Variants in SRMS observed in about 807,000 individuals in gnomAD.
The protein encoded by SRMS is tyrosine-protein kinase Srms.
In SRMS, 42 loss-of-function variants were observed where a neutral mutation model predicts 43.5. That is an observed-to-expected ratio of 0.97 (90% CI 0.75 to 1.25). The LOEUF is 1.25. SRMS is among the 50% of genes most tolerant of loss of function. The probability of loss-of-function intolerance (pLI) is 0.00; values close to 1 mark genes in which losing one functional copy is unlikely to be tolerated. For missense variants in SRMS, 703 were observed against 681.0 expected, an observed-to-expected ratio of 1.03 and a Z score of -0.36; for synonymous variants, 316 against 308.2, an observed-to-expected ratio of 1.03 and a Z score of -0.27.
intron 2 of SRMS, among the ~76,000 whole-genome samples, chr20:63,543,971 A>G (rs2082717580): frequency 7.9e-6 from 1 of 127,384 alleles, no homozygotes; most frequent in South Asian, 3.7e-4. Context: ...GAATGGATGA[A>G]TGAATGAATG....
chr20:63,544,633 C>G (rs1227506847), intron 1 of SRMS, among the ~76,000 whole-genome samples: 1 of 152,110 alleles, frequency 6.6e-6, no homozygotes, highest in African/African-American at 2.4e-5. Context: ...CCGCCAGCCC[C>G]AGCCACAGGT....
rs768140646 is a variant in SRMS at position 63,541,495 on chromosome 20, C to T, written c.1072G>A (p.Val358Met). 1.1e-5 allele frequency: 18 copies of T among 1,608,748 alleles called. No individual in the cohort carries two copies. The South Asian group carries it at 1.6e-4, about 15-fold the overall frequency. Residue 358 changes from valine to methionine, a missense_variant, in exon 6 of 8, where the codon GTG becomes ATG. Val to Met is a conservative substitution (Grantham distance 21). Coordinates refer to ENST00000217188, the MANE Select transcript of SRMS (RefSeq NM_080823.4). Reference sequence around the variant, plus strand: ...ACCTTGCAGGCCAGGCCGTCGTCCACGAGCACGTTCCGGGCGGCCAAGTCC... The same window carrying T: ...ACCTTGCAGGCCAGGCCGTCGTCCATGAGCACGTTCCGGGCGGCCAAGTCC... ...HRDLAARNVL[V>M]DDGLACKVAD...
chr20:63,541,684 C>G, intron 5 of SRMS, 64 bp from the exon 6 acceptor site: 1 of 1,427,600 alleles, frequency 7.0e-7, no homozygotes, highest in South Asian at 1.5e-5. Context: ...CCAGCGTCCA[C>G]CCACGTCACC....
At chr20:63,542,411 G>A (rs376636272) in intron 4 of SRMS, 29 bp downstream of exon 4, 21 of 1,602,098 alleles carry the variant, frequency 1.3e-5, no homozygotes, top group Non-Finnish European at 1.7e-5. Flanking sequence ...TGCGGGGCCC[G>A]GCCGTGGCGC....
Position 63,547,629 on chromosome 20 carries a change from G to T in SRMS, c.-166C>A. The T allele has an allele frequency of 7.9e-6, 5 of 634,908 alleles. No homozygotes were observed. The highest frequency in any genetic ancestry group is 1.3e-5 in the Non-Finnish European group (5 of 398,058). The allele number at this position is 634,908 out of a possible 1,614,324, so 39.3% of individuals were successfully genotyped here. ...CTCAGAGGTCCCCTGGATCCAGGAG[G>T]CACACGGTTCCCACCGGCGTCCGGG... is the stretch of plus-strand genomic sequence containing the variant. On this transcript the variant is annotated 5_prime_UTR_variant, in exon 1 of 8. Coordinates refer to ENST00000217188, the MANE Select transcript of SRMS (RefSeq NM_080823.4).
chr20:63,541,713 T>G, intron 5 of SRMS, 93 bp from the exon 6 acceptor site: 6 of 1,370,626 alleles, frequency 4.4e-6, no homozygotes, highest in Non-Finnish European at 5.8e-6. Context: ...TGCCTCAGCC[T>G]CCTCATCTCT....
rs775285849 is a variant in SRMS at position 63,547,157 on chromosome 20, G to C, written c.307C>G (p.Pro103Ala). 1.9e-6 allele frequency: 3 copies of C among 1,609,262 alleles called. No individual in the cohort carries two copies. In the South Asian group the frequency reaches 3.3e-5, roughly 18 times the overall value. The change falls in exon 1 of 8, where the codon CCC (proline) becomes GCC (alanine). Residue 103 changes from proline to alanine, a missense_variant. By Grantham distance (27) the Pro-to-Ala change is conservative (BLOSUM62 -1). Coordinates refer to ENST00000217188, the MANE Select transcript of SRMS (RefSeq NM_080823.4). ...LSGQPSAGLV[P>A]ITHVAKASPE... ...GAAGCCTTGGCCACGTGGGTGATGG[G>C]CACGAGCCCGGCGCTGGGCTGGCCC... is the stretch of plus-strand genomic sequence containing the variant.
Position 63,542,428 on chromosome 20 carries a change from T to G in SRMS, c.787+12A>C. On this transcript the variant is annotated intron_variant, in intron 4 of 7. Transcript: ENST00000217188. ...CGGGGCCCGGCCGTGGCGCAGGATC[T>G]CGGGGCCTCACCTGACTTGATGACC... 5 of 1,608,232 alleles carry G rather than the reference T, an allele frequency of 3.1e-6. No individual in the cohort carries two copies. Among genetic ancestry groups the G allele is most frequent in the Non-Finnish European group, 4.2e-6 (5 of 1,177,068 alleles).
At position 63,538,716 on chromosome 20, in the gene SRMS, A is replaced by T. The variant is rs925060614; in HGVS notation, c.*2102T>A. On this transcript the variant is annotated 3_prime_UTR_variant, in exon 8 of 8. Transcript: ENST00000217188. The stretch of plus-strand genomic sequence containing the variant: ...GGTCGGTTGGGGAGGATGCAGGGGG[A>T]GGGGTGGGGGGTGGGGAATGCGGAA... 1.1e-4 allele frequency among the ~76,000 whole-genome samples: 1 copy of T among 9,362 alleles called. No homozygotes were observed. Among genetic ancestry groups the T allele is most frequent in the African/African-American group, 4.5e-4 (1 of 2,216 alleles). The allele number at this position is 9,362 out of a possible 152,430, so 6.1% of individuals were successfully genotyped here. A position where few individuals can be genotyped will look rare whatever the true frequency, so the allele number is the denominator to read the frequency against.
In SRMS at chr20:63,547,344, T is replaced by G. The variant is rs373889067; in HGVS notation, c.120A>C (p.Pro40=). The change falls in exon 1 of 8, where the codon CCA becomes CCC. Residue 40 remains proline, a synonymous_variant. Coordinates refer to ENST00000217188, the MANE Select transcript of SRMS (RefSeq NM_080823.4). ...TPGSLDPNTD[P]VPTLPAEPCS... is the part of the protein sequence containing the mutation. ...AAGGCTCGGCGGGGAGCGTGGGCAC[T>G]GGGTCAGTGTTGGGGTCCAGGGACC... The G allele has an allele frequency of 6.3e-7, 1 of 1,588,636 alleles. No individual in the cohort carries two copies.
Position 63,544,345 on chromosome 20 carries a change from C to T in SRMS, c.360G>A (p.Trp120Ter). Residue 120 changes from tryptophan (W) to a stop codon, truncating the protein, a stop_gained, in exon 2 of 8, where the codon TGG becomes TGA. Transcript: ENST00000217188. LOFTEE classifies it high-confidence loss of function. ...GGGTCCGACTGACCCCGCTAAAGTA[C>T]CAGCTGCAAACAGCAGGTGCGGCAG... Reference protein sequence around the residue: ...ASPETLSDQPWYFSGVSRTQA... With the variant: ...ASPETLSDQP 1 of 1,469,872 alleles carries T rather than the reference C, an allele frequency of 6.8e-7. No homozygotes were observed. The highest frequency in any genetic ancestry group is 1.4e-5 in the South Asian group (1 of 73,982). The allele number at this position is 1,469,872 out of a possible 1,614,324, so 91.1% of individuals were successfully genotyped here.
rs945080517 is a variant in SRMS, at chr20:63,539,710, G to A, written c.*1108C>T. On this transcript the variant is annotated 3_prime_UTR_variant, in exon 8 of 8. Transcript: ENST00000217188. ...GCACATCCCTGCCCCCTCCTGCCTT[G>A]GTGACCCCCGAGGACTCACACCCAG... is the stretch of plus-strand genomic sequence containing the variant. Among the ~76,000 whole-genome samples, 1 of 152,076 alleles carries A rather than the reference G, an allele frequency of 6.6e-6. No homozygotes were observed. The highest frequency in any genetic ancestry group is 1.5e-5 in the Non-Finnish European group (1 of 67,994).
At chr20:63,546,591 A>T (rs115193268) in intron 1 of SRMS, among the ~76,000 whole-genome samples, 3,085 of 86,560 alleles carry the variant, frequency 0.036, 151 homozygotes, top group African/African-American at 0.2. Context: ...CTCAGCCCCC[A>T]GCCCCTGCTC....
intron 2 of SRMS, 129 bp downstream of exon 2, chr20:63,544,098 A>G: frequency 8.8e-7 from 1 of 1,139,660 alleles, no homozygotes; most frequent in African/African-American, 1.6e-5. Flanking sequence ...TGACCAGCAT[A>G]TCTGCTGTTG....
In SRMS at chr20:63,540,661, A is replaced by G; in HGVS notation, c.*157T>C. ...ACGTCAGCCCCAGCCCTCCGTCTGC[A>G]CGTCTGCCTGGTGCACGAACATGTG... On this transcript the variant is annotated 3_prime_UTR_variant, in exon 8 of 8. Coordinates refer to ENST00000217188, the MANE Select transcript of SRMS (RefSeq NM_080823.4). 1.2e-5 allele frequency: 11 copies of G among 938,574 alleles called. No homozygotes were observed. The highest frequency in any genetic ancestry group is 1.7e-5 in the Non-Finnish European group (11 of 647,982). The allele number at this position is 938,574 out of a possible 1,614,324, so 58.1% of individuals were successfully genotyped here.
chr20:63,547,582 G>A lies in SRMS; in HGVS notation c.-119C>T, dbSNP rs982568504. The A allele has an allele frequency of 1.8e-4, 174 of 956,610 alleles. No individual in the cohort carries two copies. The highest frequency in any genetic ancestry group is 2.4e-4 in the Non-Finnish European group (163 of 682,028). 59.3% of individuals were successfully genotyped at this position (956,610 alleles called of 1,614,324 possible). A position where few individuals can be genotyped will look rare whatever the true frequency, so the allele number is the denominator to read the frequency against. On this transcript the variant is annotated 5_prime_UTR_variant, in exon 1 of 8. Transcript: ENST00000217188. ...TCCCTGCCCTGGCCGTGGGGTGACA[G>A]GGGACCCCGGCCCTGCGGTCACTCA...
rs1381881657 is a variant in SRMS at position 63,541,628 on chromosome 20, A to T, written c.947-8T>A. On this transcript the variant is annotated splice_polypyrimidine_tract_variant and splice_region_variant and intron_variant, in intron 5 of 7. Transcript: ENST00000217188. Reference sequence around the variant, plus strand: ...GGGCCCGGCCCTCGGGGGCTGCAGGAGACAGCGCGGGGTCTTTTAGGGCAC... The same window carrying T: ...GGGCCCGGCCCTCGGGGGCTGCAGGTGACAGCGCGGGGTCTTTTAGGGCAC... The T allele has an allele frequency of 6.6e-7, 1 of 1,525,460 alleles. No individual in the cohort carries two copies. The highest frequency in any genetic ancestry group is 8.8e-7 in the Non-Finnish European group (1 of 1,141,122). The allele number at this position is 1,525,460 out of a possible 1,614,324, so 94.5% of individuals were successfully genotyped here.
At position 63,547,154 on chromosome 20, in the gene SRMS, T is replaced by C. The variant is rs368098354; in HGVS notation, c.310A>G (p.Ile104Val). 6.2e-7 allele frequency: 1 copy of C among 1,608,400 alleles called. No individual in the cohort carries two copies. The highest frequency in any genetic ancestry group is 8.5e-7 in the Non-Finnish European group (1 of 1,177,532). The change falls in exon 1 of 8, where the codon ATC becomes GTC. Residue 104 changes from isoleucine (I) to valine (V), a missense_variant. By Grantham distance (29) the Ile-to-Val change is conservative. Transcript: ENST00000217188. ...SGQPSAGLVPITHVAKASPET... is the reference protein window; with the variant it reads ...SGQPSAGLVPVTHVAKASPET... ...GGAGAAGCCTTGGCCACGTGGGTGATGGGCACGAGCCCGGCGCTGGGCTGG... is the reference window on the plus strand; with the variant it reads ...GGAGAAGCCTTGGCCACGTGGGTGACGGGCACGAGCCCGGCGCTGGGCTGG...
intron 3 of SRMS, 35 bp from the exon 4 acceptor site, chr20:63,542,616 T>C: frequency 6.3e-7 from 1 of 1,579,672 alleles, no homozygotes. Context: ...CTGGTCAGCG[T>C]GGGCCCCTGT....
Sources: gnomAD v4.1 joint callset for allele counts (sites outside exome capture counted in the v4.1 genomes callset) on GRCh38, gnomAD v4.1.1 for gene constraint, MANE v1.5 for transcripts, NCBI Gene and HGNC (gene_info 2026-07-23, HGNC 2026-07-21) for gene names.